The following NEK10 variants were observed in gnomAD, a reference collection of about 807,000 sequenced individuals.
NEK10 encodes NIMA related kinase 10.
A neutral mutation model predicts 159.8 loss-of-function variants in NEK10; 122 were observed. The ratio of observed to expected loss-of-function variants is 0.76; its 90% CI spans 0.66 to 0.89. The LOEUF is 0.89. Among genes scored for constraint, NEK10 ranks in the 40% least tolerant of loss-of-function variants. NEK10 has a pLI of 0.00. For missense variants in NEK10, 1,342 were observed against 1,323.1 expected, an observed-to-expected ratio of 1.01 and a Z score of -0.22; for synonymous variants, 466 against 457.1, an observed-to-expected ratio of 1.02 and a Z score of -0.25.
chr3:27,353,009 C>T, intron 1 of NEK10, 90 bp from the exon 2 acceptor site: 1 of 624,316 alleles, frequency 1.6e-6, no homozygotes, highest in Non-Finnish European at 2.8e-6. Context: ...CTTATAACAT[C>T]TATTTAAACA....
chr3:27,271,186 TCTATCTATCTAC>T (rs1451770142), intron 22 of NEK10, among the ~76,000 whole-genome samples: 7 of 147,228 alleles, frequency 4.8e-5, no homozygotes, highest in Non-Finnish European at 1.1e-4. Context: ...TATCTATCTA[TCTATCTATCTAC>T]CTATCTATCT....
intron 30 of NEK10, among the ~76,000 whole-genome samples, chr3:27,150,782 T>A (rs941958640): frequency 1.3e-5 from 2 of 152,198 alleles, no homozygotes; most frequent in African/African-American, 4.8e-5. Context: ...ATAGCTGCAA[T>A]AGATAGTGAT....
At chr3:27,368,299 G>C (rs903734474) in intron 1 of NEK10, among the ~76,000 whole-genome samples, 35 of 150,140 alleles carry the variant, frequency 2.3e-4, no homozygotes, top group Non-Finnish European at 1.5e-4. Context: ...TAAAAAAGGA[G>C]TCTTTTTTAG....
At position 27,107,846 on chromosome 3, in the gene NEK10, C is replaced by T. The variant is rs1302009642; in HGVS notation, c.*3426G>A. Among the ~76,000 whole-genome samples, 2 of 152,118 alleles carry T rather than the reference C, an allele frequency of 1.3e-5. No homozygotes were observed. The highest frequency in any genetic ancestry group is 2.9e-5 in the Non-Finnish European group (2 of 68,008). On this transcript the variant is annotated 3_prime_UTR_variant, in exon 36 of 36. Transcript: ENST00000691995. ...CCTGCCTTCAGACAGGAGCTAAAGT[C>T]ATTTCTAAAGGAACCCAGCATATTG...
chr3:27,313,885 T>C (rs1575703600), intron 7 of NEK10, among the ~76,000 whole-genome samples: 2 of 152,256 alleles, frequency 1.3e-5, no homozygotes, highest in Middle Eastern at 3.4e-3. Context: ...CTAATTTTTG[T>C]ATTTTTAGTA....
chr3:27,325,709 A>G (rs944429691), intron 5 of NEK10, among the ~76,000 whole-genome samples: 1 of 152,158 alleles, frequency 6.6e-6, no homozygotes, highest in African/African-American at 2.4e-5. Context: ...AAGGAGGTTG[A>G]TAGGTAAGCT....
At chr3:27,262,685 T>C (rs1010845520) in intron 22 of NEK10, among the ~76,000 whole-genome samples, 1 of 152,238 alleles carries the variant, frequency 6.6e-6, no homozygotes, top group African/African-American at 2.4e-5. Flanking sequence ...AGCTCCATCA[T>C]GTCCTTTAAG....
intron 1 of NEK10, among the ~76,000 whole-genome samples, chr3:27,361,318 A>G (rs1025996173): frequency 6.6e-6 from 1 of 152,212 alleles, no homozygotes; most frequent in Non-Finnish European, 1.5e-5. Context: ...TACTCATCAT[A>G]TGGTTTACAA....
At chr3:27,268,139 A>C (rs1430360488) in intron 22 of NEK10, among the ~76,000 whole-genome samples, 1 of 152,238 alleles carries the variant, frequency 6.6e-6, no homozygotes, top group African/African-American at 2.4e-5. Context: ...GCTGCAGAAG[A>C]AAGTCTGGAA....
chr3:27,128,570 T>C (rs368333486), intron 32 of NEK10, among the ~76,000 whole-genome samples: 1 of 152,174 alleles, frequency 6.6e-6, no homozygotes, highest in East Asian at 1.9e-4. Context: ...TCTTCTTTCC[T>C]ATGTAAACAA....
chr3:27,188,505 C>A (rs1052308703), intron 26 of NEK10, among the ~76,000 whole-genome samples: 2 of 152,156 alleles, frequency 1.3e-5, no homozygotes, highest in Admixed American at 1.3e-4. Flanking sequence ...AGCAGTTCTC[C>A]AAACTGAACA....
At position 27,293,605 on chromosome 3, in the gene NEK10, G is replaced by A; in HGVS notation, c.1356C>T (p.Asn452=). The change falls in exon 16 of 36, where the codon AAC becomes AAT. Residue 452 remains asparagine, a synonymous_variant. Transcript: ENST00000691995. ...ALRFLFSMER[N]RPLFKRLFPT... ...CCTCATACCTTTTAAAGAGTGGTCT[G>A]TTTCTTTCCATACTGAAGAGAAATC... is the stretch of plus-strand genomic sequence containing the variant. 2 of 1,566,582 alleles carry A rather than the reference G, an allele frequency of 1.3e-6. No individual in the cohort carries two copies. The highest frequency in any genetic ancestry group is 1.8e-6 in the Non-Finnish European group (2 of 1,139,652).
intron 22 of NEK10, among the ~76,000 whole-genome samples, chr3:27,258,528 T>C (rs1450678278): frequency 6.6e-6 from 1 of 152,162 alleles, no homozygotes; most frequent in Non-Finnish European, 1.5e-5. Flanking sequence ...GCTTCATCCA[T>C]GTCCTCCAAA....
At chr3:27,252,225 G>A (rs1230581291) in intron 23 of NEK10, 1 of 504,064 alleles carries the variant, frequency 2.0e-6, no homozygotes, top group Non-Finnish European at 4.0e-6. Flanking sequence ...GTAGAGGCAA[G>A]ACTATGAAAA....
At chr3:27,272,479 C>CA (rs569391399) in intron 22 of NEK10, among the ~76,000 whole-genome samples, 64 of 152,056 alleles carry the variant, frequency 4.2e-4, no homozygotes, top group Admixed American at 2.0e-3. Flanking sequence ...ACTCTTCCTG[C>CA]AAAAAAGGGG....
At chr3:27,299,447 G>A (rs942530933) in intron 13 of NEK10, among the ~76,000 whole-genome samples, 5 of 152,202 alleles carry the variant, frequency 3.3e-5, no homozygotes, top group South Asian at 2.1e-4. Flanking sequence ...CTGCAGGGGC[G>A]GGGCTCTCAT....
intron 1 of NEK10, among the ~76,000 whole-genome samples, chr3:27,367,129 C>T (rs1408290249): frequency 2.6e-5 from 4 of 152,080 alleles, no homozygotes; most frequent in South Asian, 2.1e-4. Flanking sequence ...CATTTTTAAA[C>T]GTGAAAGCTT....
chr3:27,166,818 G>A (rs1349864165), intron 29 of NEK10, among the ~76,000 whole-genome samples: 1 of 152,068 alleles, frequency 6.6e-6, no homozygotes, highest in Non-Finnish European at 1.5e-5. Flanking sequence ...AAATTAGCTG[G>A]GTGTGGTGGC....
At chr3:27,273,948 T>C (rs1263907340) in intron 22 of NEK10, among the ~76,000 whole-genome samples, 2 of 152,200 alleles carry the variant, frequency 1.3e-5, no homozygotes, top group East Asian at 3.9e-4. Context: ...CTTCCTCCTC[T>C]GAAGGTCATT....
Sources: allele counts gnomAD v4.1 joint callset (sites outside exome capture counted in the v4.1 genomes callset), GRCh38; gene constraint gnomAD v4.1.1; transcripts MANE v1.5; gene names NCBI Gene and HGNC (gene_info 2026-07-23, HGNC 2026-07-21).